Variants in LRRC4C observed in about 807,000 individuals in gnomAD.
The protein encoded by LRRC4C is leucine rich repeat containing 4C, also known as leucine-rich repeat-containing protein 4C.
Under a neutral mutation model 33.6 loss-of-function variants are expected in LRRC4C, and 5 were observed. The observed-to-expected ratio is 0.15, with a 90% CI of 0.08 to 0.31. LRRC4C has a LOEUF of 0.31. LRRC4C is among the 10% of genes least tolerant of loss of function. The pLI is 1.00. For missense variants in LRRC4C, 560 were observed against 796.7 expected (o/e 0.70, Z 3.58); for synonymous variants, 329 against 302.0 (o/e 1.09, Z -0.93).
At chr11:40,409,214 G>A (rs941695710) in intron 3 of LRRC4C, among the ~76,000 whole-genome samples, 4 of 151,882 alleles carry the variant, frequency 2.6e-5, no homozygotes, top group South Asian at 4.1e-4. Flanking sequence ...AATGAAGCTA[G>A]ATCTTCAGTT....
chr11:41,295,812 G>C (rs1950125405), intron 1 of LRRC4C, among the ~76,000 whole-genome samples: 1 of 152,150 alleles, frequency 6.6e-6, no homozygotes, highest in African/African-American at 2.4e-5. Context: ...GTGAGGGAAG[G>C]GCTTGGGATT....
intron 3 of LRRC4C, among the ~76,000 whole-genome samples, chr11:40,645,753 G>T (rs1030987878): frequency 1.3e-5 from 2 of 152,044 alleles, no homozygotes; most frequent in African/African-American, 4.8e-5. Flanking sequence ...ACAAAATTCT[G>T]CATCCCAGCT....
rs969580644 is a variant in LRRC4C, at chr11:40,985,817, A to G, written c.-495-52094T>C. 9.9e-5 allele frequency among the ~76,000 whole-genome samples: 15 copies of G among 152,130 alleles called. 1 individual carries two copies. The highest frequency in any genetic ancestry group is 7.7e-4 in the East Asian group (4 of 5,184). On this transcript the variant is annotated intron_variant, in intron 1 of 6. Coordinates refer to ENST00000528697, the MANE Select transcript of LRRC4C (RefSeq NM_001258419.2). ...AAAGAACATTTTTAAAAAATTGACA[A>G]GTAGATGGATTGTAGAATAGATAGT...
In LRRC4C at chr11:40,634,996, TA is replaced by T. The variant is rs144142545; in HGVS notation, c.-270+13145del. Among the ~76,000 whole-genome samples the T allele has an allele frequency of 1.3e-3, 192 of 147,926 alleles. No homozygotes were observed. In the East Asian group the frequency reaches 0.018, roughly 14 times the overall value. On this transcript the variant is annotated intron_variant, in intron 3 of 6. Coordinates refer to ENST00000528697, the MANE Select transcript of LRRC4C (RefSeq NM_001258419.2). ...TTATCTGATCTCACTTTAGGAAATT[TA>T]AAAAAAAAAACAGGGTCCATGGCTA...
intron 2 of LRRC4C, among the ~76,000 whole-genome samples, chr11:40,682,345 G>T (rs1355686255): frequency 6.6e-6 from 1 of 151,766 alleles, no homozygotes; most frequent in African/African-American, 2.4e-5. Flanking sequence ...GTTACTAAAG[G>T]GATGAATGAA....
At chr11:41,095,858 T>A (rs886456088) in intron 1 of LRRC4C, among the ~76,000 whole-genome samples, 2 of 152,152 alleles carry the variant, frequency 1.3e-5, no homozygotes, top group Non-Finnish European at 1.5e-5. Flanking sequence ...TTTAATTGAT[T>A]CAAACCTCAA....
intron 3 of LRRC4C, among the ~76,000 whole-genome samples, chr11:40,388,363 A>G (rs11605725): frequency 0.066 from 9,975 of 152,230 alleles, 435 homozygotes; most frequent in Middle Eastern, 0.16. Flanking sequence ...GTACACCATA[A>G]AAGTGTCATC....
chr11:41,404,096 T>C (rs1022769233), intron 1 of LRRC4C, among the ~76,000 whole-genome samples: 1 of 152,082 alleles, frequency 6.6e-6, no homozygotes, highest in East Asian at 1.9e-4. Context: ...ATGCCAACAG[T>C]GGTACAACCA....
At chr11:41,034,590 TA>T (rs1378072335) in intron 1 of LRRC4C, among the ~76,000 whole-genome samples, 6 of 111,752 alleles carry the variant, frequency 5.4e-5, no homozygotes, top group South Asian at 3.3e-4. Flanking sequence ...GTTGTTTTTC[TA>T]AAAAAATATG....
intron 3 of LRRC4C, among the ~76,000 whole-genome samples, chr11:40,485,553 A>T (rs184668870): frequency 1.8e-4 from 27 of 152,062 alleles, no homozygotes; most frequent in African/African-American, 6.3e-4. Flanking sequence ...AACCACCAAA[A>T]ATGGCTAGTT....
At chr11:40,201,928 T>G (rs1269795522) in intron 5 of LRRC4C, among the ~76,000 whole-genome samples, 1 of 152,116 alleles carries the variant, frequency 6.6e-6, no homozygotes, top group African/African-American at 2.4e-5. Context: ...TTTGGCTAAA[T>G]CAGTTGTTTA....
intron 5 of LRRC4C, among the ~76,000 whole-genome samples, chr11:40,232,034 T>C (rs1865235547): frequency 6.6e-6 from 1 of 152,046 alleles, no homozygotes; most frequent in Non-Finnish European, 1.5e-5. Context: ...TGAGACAGAG[T>C]CTCGCTCTGT....
rs143480600 is a variant in LRRC4C, at chr11:41,177,788, T to C, written c.-495-244065A>G. 3.1e-4 allele frequency among the ~76,000 whole-genome samples: 47 copies of C among 152,330 alleles called. 1 individual carries two copies. Among genetic ancestry groups the C allele is most frequent in the East Asian group, 2.7e-3 (14 of 5,182 alleles). ...GTATTCCAAAGTGCCTTAACAATTA[T>C]ATATAGGCAATCACATCGCCCACTA... On this transcript the variant is annotated intron_variant, in intron 1 of 6. Transcript: ENST00000528697.
At chr11:40,457,961 C>T (rs10768600) in intron 3 of LRRC4C, among the ~76,000 whole-genome samples, 53,663 of 151,970 alleles carry the variant, frequency 0.35, 9,960 homozygotes, top group East Asian at 0.52. Context: ...GTAGAACAAA[C>T]ATTACCTTTC....
chr11:40,705,347 C>T (rs1013954947), intron 2 of LRRC4C, among the ~76,000 whole-genome samples: 5 of 151,902 alleles, frequency 3.3e-5, no homozygotes, highest in Non-Finnish European at 7.4e-5. Flanking sequence ...CCAACGCTAT[C>T]CCTCCCCCAT....
At chr11:40,468,639 T>C (rs1269197826) in intron 3 of LRRC4C, among the ~76,000 whole-genome samples, 1 of 152,156 alleles carries the variant, frequency 6.6e-6, no homozygotes, top group African/African-American at 2.4e-5. Flanking sequence ...TTTCCATTCA[T>C]GCTGGCATTT....
chr11:41,132,714 G>A (rs1189419408), intron 1 of LRRC4C, among the ~76,000 whole-genome samples: 4 of 152,026 alleles, frequency 2.6e-5, no homozygotes, highest in African/African-American at 7.2e-5. Flanking sequence ...TGATAATAAT[G>A]AAATAAATTG....
At chr11:41,259,178 T>C (rs1948896465) in intron 1 of LRRC4C, among the ~76,000 whole-genome samples, 1 of 151,942 alleles carries the variant, frequency 6.6e-6, no homozygotes, top group African/African-American at 2.4e-5. Context: ...AGTTCGAACT[T>C]CTCAAGTAGA....
chr11:40,456,612 A>G (rs946097121), intron 3 of LRRC4C, among the ~76,000 whole-genome samples: 9 of 152,034 alleles, frequency 5.9e-5, no homozygotes, highest in Non-Finnish European at 1.3e-4. Context: ...AAATAATAAT[A>G]GAAAAAAATG....
Sources: gnomAD v4.1 joint callset for allele counts (sites outside exome capture counted in the v4.1 genomes callset) on GRCh38, gnomAD v4.1.1 for gene constraint, MANE v1.5 for transcripts, NCBI Gene and HGNC (gene_info 2026-07-23, HGNC 2026-07-21) for gene names.